Variants in HTR2A observed in about 807,000 individuals in gnomAD.
HTR2A encodes the protein 5-hydroxytryptamine receptor 2A, also known as 5-HT2 receptor.
HTR2A carries 14 observed loss-of-function variants against 31.0 expected under a neutral mutation model. The ratio of observed to expected loss-of-function variants is 0.45; its 90% confidence interval spans 0.30 to 0.71. The LOEUF (loss-of-function observed/expected upper bound fraction) is 0.71. Ranked by LOEUF, HTR2A falls within the 30% of genes least tolerant of loss-of-function variation. HTR2A has a pLI of 0.09. For missense variants in HTR2A, 442 were observed against 573.3 expected (o/e 0.77, Z 2.34); for synonymous variants, 209 against 225.2 (o/e 0.93, Z 0.64).
rs567265583 is a variant in HTR2A at position 46,897,030 on chromosome 13, T to A, written c.-685A>T. Reference sequence around the variant, plus strand: ...TGTCTGCACCAAGGGACTCCTGGTTTCCACGGGAATGGAGTAGCTCTCTGA... The same window carrying A: ...TGTCTGCACCAAGGGACTCCTGGTTACCACGGGAATGGAGTAGCTCTCTGA... On this transcript the variant is annotated 5_prime_UTR_variant, in exon 1 of 4. Transcript: ENST00000542664. The A allele has an allele frequency of 7.7e-5, 44 of 569,200 alleles. No homozygotes were observed. In the South Asian group the frequency reaches 8.3e-4, roughly 11 times the overall value. 35.3% of individuals were successfully genotyped at this position (569,200 alleles called of 1,614,324 possible).
chr13:46,872,407 T>A (rs1168176386), intron 3 of HTR2A, among the ~76,000 whole-genome samples: 1 of 152,230 alleles, frequency 6.6e-6, no homozygotes, highest in Non-Finnish European at 1.5e-5. Context: ...ATGAAAACAT[T>A]AGTTTAATAC....
At chr13:46,841,194 A>G (rs1305555747) in intron 3 of HTR2A, among the ~76,000 whole-genome samples, 2 of 152,086 alleles carry the variant, frequency 1.3e-5, no homozygotes, top group Non-Finnish European at 2.9e-5. Flanking sequence ...TTCCTTTATA[A>G]ATTACCCAGT....
At chr13:46,893,055 C>A (rs879613672) in intron 2 of HTR2A, among the ~76,000 whole-genome samples, 1 of 152,174 alleles carries the variant, frequency 6.6e-6, no homozygotes, top group Non-Finnish European at 1.5e-5. Context: ...CAGTCCCATA[C>A]AGTGATGGCA....
At chr13:46,864,746 G>C (rs1212512616) in intron 3 of HTR2A, among the ~76,000 whole-genome samples, 1 of 149,490 alleles carries the variant, frequency 6.7e-6, no homozygotes, top group African/African-American at 2.5e-5. Context: ...ACATGGTGCT[G>C]TCAAGTCCTT....
At chr13:46,863,902 C>A (rs1950800959) in intron 3 of HTR2A, among the ~76,000 whole-genome samples, 1 of 151,966 alleles carries the variant, frequency 6.6e-6, no homozygotes. Context: ...TTTGACCCAG[C>A]AATCCCATTA....
chr13:46,867,362 G>C (rs1215586450), intron 3 of HTR2A, among the ~76,000 whole-genome samples: 2 of 152,274 alleles, frequency 1.3e-5, no homozygotes, highest in East Asian at 3.9e-4. Flanking sequence ...GGAAAATGAA[G>C]GTTATCCAAA....
At chr13:46,879,565 A>G (rs768457434) in intron 3 of HTR2A, among the ~76,000 whole-genome samples, 5 of 152,220 alleles carry the variant, frequency 3.3e-5, no homozygotes, top group Non-Finnish European at 5.9e-5. Context: ...GACAGGAAGT[A>G]CAGAAGATCA....
At chr13:46,863,657 A>AAAAAG (rs768058932) in intron 3 of HTR2A, among the ~76,000 whole-genome samples, 92,316 of 118,158 alleles carry the variant, frequency 0.78, 36,694 homozygotes, top group East Asian at 0.93. Flanking sequence ...AAAGAAAAAA[A>AAAAAG]AAAAAGACAG....
At position 46,895,716 on chromosome 13, in the gene HTR2A, G is replaced by A. The variant is rs779934468; in HGVS notation, c.191C>T (p.Ser64Leu). ...CTGGAGATGAAGTAAGGAGAGACAC[G>A]ACGGTGAGAGGCACCCTTCACAGGA... ...NLSCEGCLSP[S>L]CLSLLHLQEK... Residue 64 changes from serine to leucine, a missense_variant, in exon 2 of 4, where the codon TCG (serine) becomes TTG (leucine). Around this residue, in one of 5 missense-constraint regions of HTR2A, gnomAD observed 83 missense variants for 84.8 expected, o/e 0.98. Transcript: ENST00000542664. This position sits in a 1 kb window ranked among gnomAD's most constrained non-coding sequence, Gnocchi z 4.4. 2 of 1,614,108 alleles carry A rather than the reference G, an allele frequency of 1.2e-6. No homozygotes were observed. The highest frequency in any genetic ancestry group is 1.7e-6 in the Non-Finnish European group (2 of 1,180,002).
chr13:46,872,653 G>C (rs1479434598), intron 3 of HTR2A, among the ~76,000 whole-genome samples: 1 of 152,138 alleles, frequency 6.6e-6, no homozygotes. Context: ...TGAAAACATT[G>C]GTTTAATACC....
chr13:46,845,540 C>T (rs1487860086), intron 3 of HTR2A, among the ~76,000 whole-genome samples: 1 of 151,090 alleles, frequency 6.6e-6, no homozygotes, highest in Non-Finnish European at 1.5e-5. Context: ...ATTGAGCCTA[C>T]ACTGAGCTAG....
intron 3 of HTR2A, among the ~76,000 whole-genome samples, chr13:46,860,164 G>C (rs768958536): frequency 7.9e-5 from 12 of 152,154 alleles, no homozygotes; most frequent in Non-Finnish European, 1.8e-4. Flanking sequence ...CCTAGTTCTG[G>C]TGCTGAGGAC....
chr13:46,855,887 G>T (rs1395757969), intron 3 of HTR2A, among the ~76,000 whole-genome samples: 1 of 152,168 alleles, frequency 6.6e-6, no homozygotes, highest in African/African-American at 2.4e-5. Flanking sequence ...GGTGCCAAAG[G>T]TCTGAAACAG....
chr13:46,896,569 T>C, intron 1 of HTR2A, 105 bp downstream of exon 1: 1 of 903,332 alleles, frequency 1.1e-6, no homozygotes, highest in Non-Finnish European at 1.6e-6. Flanking sequence ...CAGACAACTT[T>C]CCTCCCTGGA....
intron 3 of HTR2A, among the ~76,000 whole-genome samples, chr13:46,886,678 T>TA (rs1244580545): frequency 6.6e-6 from 1 of 152,086 alleles, no homozygotes; most frequent in Non-Finnish European, 1.5e-5. Context: ...GGTGAGAGGG[T>TA]ACCAAGGTAG....
At chr13:46,893,824 T>G (rs1398449374) in intron 2 of HTR2A, among the ~76,000 whole-genome samples, 2 of 152,192 alleles carry the variant, frequency 1.3e-5, no homozygotes, top group African/African-American at 4.8e-5. Context: ...AGTCCACTTT[T>G]CTTATTACAG....
intron 3 of HTR2A, among the ~76,000 whole-genome samples, chr13:46,843,231 T>C (rs1950613733): frequency 1.3e-5 from 2 of 152,228 alleles, no homozygotes; most frequent in African/African-American, 4.8e-5. Context: ...TGTTCTATTT[T>C]ATTATTAATG....
intron 3 of HTR2A, among the ~76,000 whole-genome samples, chr13:46,872,437 T>C (rs1950869571): frequency 6.6e-6 from 1 of 151,906 alleles, no homozygotes; most frequent in South Asian, 2.1e-4. Context: ...CAATTAGTAA[T>C]TATTATGCAA....
chr13:46,871,429 G>A (rs1449855108), intron 3 of HTR2A, among the ~76,000 whole-genome samples: 2 of 152,088 alleles, frequency 1.3e-5, no homozygotes, highest in Non-Finnish European at 2.9e-5. Flanking sequence ...TAATTTTATT[G>A]CCAAACTATT....
Sources: allele counts gnomAD v4.1 joint callset (sites outside exome capture counted in the v4.1 genomes callset), GRCh38; gene constraint gnomAD v4.1.1; regional missense constraint gnomAD v4.1.1; non-coding constraint Gnocchi (gnomAD v3.1); transcripts MANE v1.5; gene names NCBI Gene and HGNC (gene_info 2026-07-23, HGNC 2026-07-21).